The following CACNB4 variants were observed in gnomAD, a reference collection of about 807,000 sequenced individuals.
CACNB4 encodes the protein voltage-dependent L-type calcium channel subunit beta-4.
CACNB4 carries 32 observed loss-of-function variants against 71.2 expected under a neutral mutation model. The observed-to-expected ratio is 0.45, with a 90% CI of 0.34 to 0.60. CACNB4 has a LOEUF of 0.60. CACNB4 is among the 20% of genes least tolerant of loss of function. The pLI is 0.01. For synonymous variants in CACNB4, 231 were observed against 236.9 expected (o/e 0.97, Z 0.23); for missense variants, 464 against 647.9 (o/e 0.72, Z 3.08).
At chr2:151,916,594 T>C (rs2099857603) in intron 2 of CACNB4, among the ~76,000 whole-genome samples, 1 of 152,256 alleles carries the variant, frequency 6.6e-6, no homozygotes, top group African/African-American at 2.4e-5. Context: ...GAAGGAATTA[T>C]GCATATTTAT....
chr2:152,016,541 T>C (rs1683355794), intron 2 of CACNB4, among the ~76,000 whole-genome samples: 3 of 152,212 alleles, frequency 2.0e-5, no homozygotes, highest in Admixed American at 2.0e-4. Flanking sequence ...AACCAATCTA[T>C]TAAAAAAAAT....
intron 2 of CACNB4, among the ~76,000 whole-genome samples, chr2:151,921,248 T>G (rs1048865147): frequency 6.6e-6 from 1 of 151,624 alleles, no homozygotes; most frequent in African/African-American, 2.4e-5. Context: ...CATTATCCCA[T>G]GAAAACAAGG....
intron 2 of CACNB4, among the ~76,000 whole-genome samples, chr2:151,959,571 C>A (rs1196438501): frequency 6.6e-6 from 1 of 152,156 alleles, no homozygotes; most frequent in African/African-American, 2.4e-5. Flanking sequence ...CATCTTACAG[C>A]CAGAACATAT....
intron 2 of CACNB4, among the ~76,000 whole-genome samples, chr2:152,024,924 C>T (rs1349680007): frequency 6.6e-6 from 1 of 152,144 alleles, no homozygotes; most frequent in Non-Finnish European, 1.5e-5. Context: ...GGCGTGGTGG[C>T]ACGTGCCTGT....
At chr2:152,072,548 A>G (rs748296664) in intron 2 of CACNB4, among the ~76,000 whole-genome samples, 1 of 152,250 alleles carries the variant, frequency 6.6e-6, no homozygotes, top group Admixed American at 6.5e-5. Context: ...GTAATCTTTT[A>G]ACATTATAAA....
chr2:152,026,734 C>G (rs2105159924), intron 2 of CACNB4, among the ~76,000 whole-genome samples: 1 of 152,222 alleles, frequency 6.6e-6, no homozygotes, highest in Non-Finnish European at 1.5e-5. Context: ...TTAACTGACT[C>G]TAACTTCAAT....
At position 151,921,180 on chromosome 2, in the gene CACNB4, AATAAGTT is replaced by A. The variant is rs869135250; in HGVS notation, c.148-37817_148-37811del. ...AAATAAATAAATAAATAAATAAATA[AATAAGTT>A]AAAAAAAAACACCTTACTTGATTGG... On this transcript the variant is annotated intron_variant, in intron 2 of 13. Coordinates refer to ENST00000539935, the MANE Select transcript of CACNB4 (RefSeq NM_000726.5). Among the ~76,000 whole-genome samples the A allele has an allele frequency of 6.4e-3, 353 of 54,782 alleles. 2 individuals are homozygous for A. Among genetic ancestry groups the A allele is most frequent in the Non-Finnish European group, 0.017 (257 of 14,930 alleles). 35.9% of individuals were successfully genotyped at this position (54,782 alleles called of 152,430 possible). A position where few individuals can be genotyped will look rare whatever the true frequency, so the allele number is the denominator to read the frequency against.
At chr2:151,884,675 C>G in intron 2 of CACNB4, among the ~76,000 whole-genome samples, 1 of 148,742 alleles carries the variant, frequency 6.7e-6, no homozygotes, top group African/African-American at 2.5e-5. Flanking sequence ...GAAATCCAGT[C>G]TGACTGATGT....
intron 2 of CACNB4, among the ~76,000 whole-genome samples, chr2:152,013,131 T>C (rs1323736708): frequency 2.0e-5 from 3 of 152,204 alleles, no homozygotes; most frequent in African/African-American, 7.2e-5. Context: ...CCACATAGCC[T>C]AAGTGTGTGG....
chr2:151,991,937 A>G (rs1014201700), intron 2 of CACNB4, among the ~76,000 whole-genome samples: 12 of 152,226 alleles, frequency 7.9e-5, no homozygotes, highest in African/African-American at 2.9e-4. Flanking sequence ...AAAGTCAATG[A>G]AGAATACATA....
intron 2 of CACNB4, among the ~76,000 whole-genome samples, chr2:152,071,988 G>A (rs1686720167): frequency 6.6e-6 from 1 of 152,180 alleles, no homozygotes. Flanking sequence ...GGTTTACACT[G>A]AGCACCCACT....
chr2:152,019,599 C>T (rs542536631), intron 2 of CACNB4, among the ~76,000 whole-genome samples: 56 of 151,720 alleles, frequency 3.7e-4, no homozygotes, highest in Non-Finnish European at 6.8e-4. Flanking sequence ...GAAAGACTAA[C>T]GGAAAAAATA....
At chr2:152,081,783 A>T (rs771146282) in intron 2 of CACNB4, among the ~76,000 whole-genome samples, 2 of 152,268 alleles carry the variant, frequency 1.3e-5, no homozygotes, top group Non-Finnish European at 2.9e-5. Context: ...CTTATTAAAT[A>T]GTTAATGTTA....
At chr2:152,019,602 A>T (rs1471837060) in intron 2 of CACNB4, among the ~76,000 whole-genome samples, 1 of 152,174 alleles carries the variant, frequency 6.6e-6, no homozygotes, top group African/African-American at 2.4e-5. Context: ...AGACTAACGG[A>T]AAAAATAAGT....
At chr2:151,993,151 GTT>G (rs34066188) in intron 2 of CACNB4, among the ~76,000 whole-genome samples, 11,841 of 145,126 alleles carry the variant, frequency 0.082, 1,120 homozygotes, top group East Asian at 0.47. Flanking sequence ...CACGTTTTTT[GTT>G]TTTTTTTTTT....
intron 2 of CACNB4, among the ~76,000 whole-genome samples, chr2:151,929,379 G>A (rs184541817): frequency 1.2e-4 from 19 of 152,204 alleles, no homozygotes; most frequent in South Asian, 6.2e-4. Flanking sequence ...TATATGTAAT[G>A]TTCTCTGATA....
chr2:152,019,594 A>G (rs927577407), intron 2 of CACNB4, among the ~76,000 whole-genome samples: 1 of 152,168 alleles, frequency 6.6e-6, no homozygotes, highest in Admixed American at 6.6e-5. Flanking sequence ...GACTGGAAAG[A>G]CTAACGGAAA....
intron 2 of CACNB4, among the ~76,000 whole-genome samples, chr2:151,931,501 G>A (rs1486028337): frequency 2.0e-5 from 3 of 152,154 alleles, no homozygotes; most frequent in Non-Finnish European, 4.4e-5. Flanking sequence ...CTCACAAAAG[G>A]AACATGGCAA....
At chr2:152,088,165 A>ACACACG (rs1687766979) in intron 2 of CACNB4, among the ~76,000 whole-genome samples, 2 of 149,070 alleles carry the variant, frequency 1.3e-5, no homozygotes, top group Non-Finnish European at 3.0e-5. Context: ...ACACACACAC[A>ACACACG]CACATACACA....
Sources: allele counts gnomAD v4.1 joint callset (sites outside exome capture counted in the v4.1 genomes callset), GRCh38; gene constraint gnomAD v4.1.1; transcripts MANE v1.5; gene names NCBI Gene and HGNC (gene_info 2026-07-23, HGNC 2026-07-21).